Variants in PCDHGA2 observed in about 807,000 individuals in gnomAD.
The protein encoded by PCDHGA2 is protocadherin gamma-A2.
A neutral mutation model predicts 59.2 loss-of-function variants in PCDHGA2; 40 were observed. The observed-to-expected ratio is 0.68, with a 90% CI of 0.52 to 0.88. The LOEUF (loss-of-function observed/expected upper bound fraction) is 0.88. Ranked by LOEUF, PCDHGA2 falls within the 40% of genes least tolerant of loss-of-function variation. The pLI is 0.00. For synonymous variants in PCDHGA2, 560 were observed against 526.0 expected (o/e 1.06, Z -0.89); for missense variants, 1,226 against 1,204.0 (o/e 1.02, Z -0.27).
chr5:141,504,907 A>G (rs2099841813), intron 2 of PCDHGA2, among the ~76,000 whole-genome samples: 1 of 152,100 alleles, frequency 6.6e-6, no homozygotes, highest in African/African-American at 2.4e-5. Context: ...TCACTATGAC[A>G]GGAAGCCAGG....
At position 141,487,760 on chromosome 5, in the gene PCDHGA2, G is replaced by T; in HGVS notation, c.2425-7047G>T. On this transcript the variant is annotated intron_variant, in intron 1 of 3. Transcript: ENST00000394576. The surrounding 1 kb of genome is among the most constrained non-coding windows in gnomAD (Gnocchi z 5.0). Reference sequence around the variant, plus strand: ...TGTAAGAGGTAACTATGTGGTAGACGCTGTGCTTTGTAACTGTTTCGTGAA... The same window carrying T: ...TGTAAGAGGTAACTATGTGGTAGACTCTGTGCTTTGTAACTGTTTCGTGAA... 1 of 1,545,950 alleles carries T rather than the reference G, an allele frequency of 6.5e-7. No individual in the cohort carries two copies. The highest frequency in any genetic ancestry group is 1.4e-5 in the African/African-American group (1 of 73,162).
chr5:141,431,536 G>T lies in PCDHGA2; in HGVS notation c.2425-63271G>T. Reference sequence around the variant, plus strand: ...TTCCGGAGAATCTGGCCTTGGGCACGCAGCTGCTTGTAGTCAACGCTACCG... The same window carrying T: ...TTCCGGAGAATCTGGCCTTGGGCACTCAGCTGCTTGTAGTCAACGCTACCG... On this transcript the variant is annotated intron_variant, in intron 1 of 3. Coordinates refer to ENST00000394576, the MANE Select transcript of PCDHGA2 (RefSeq NM_018915.4). The surrounding 1 kb of genome is among the most constrained non-coding windows in gnomAD (Gnocchi z 4.8). 6.2e-7 allele frequency: 1 copy of T among 1,614,068 alleles called. No homozygotes were observed. Among genetic ancestry groups the T allele is most frequent in the Non-Finnish European group, 8.5e-7 (1 of 1,180,022 alleles).
chr5:141,477,607 G>A lies in PCDHGA2; in HGVS notation c.2425-17200G>A, dbSNP rs1223703956. ...ATGCTCGGCTTTCTTTCTTTCTCTT[G>A]GAGCAAGGAGCTGAAACCGGGCTAG... is the stretch of plus-strand genomic sequence containing the variant. On this transcript the variant is annotated intron_variant, in intron 1 of 3. Coordinates refer to ENST00000394576, the MANE Select transcript of PCDHGA2 (RefSeq NM_018915.4). The surrounding 1 kb of genome is among the most constrained non-coding windows in gnomAD (Gnocchi z 4.9). 2 of 1,614,028 alleles carry A rather than the reference G, an allele frequency of 1.2e-6. No individual in the cohort carries two copies. The highest frequency in any genetic ancestry group is 3.3e-5 in the Admixed American group (2 of 60,000).
At chr5:141,447,520 T>C (rs1156521785) in intron 1 of PCDHGA2, among the ~76,000 whole-genome samples, 1 of 152,202 alleles carries the variant, frequency 6.6e-6, no homozygotes, top group Non-Finnish European at 1.5e-5. Context: ...ATAACAATCA[T>C]AACAAAATTG....
chr5:141,429,390 A>T (rs556289214), intron 1 of PCDHGA2, among the ~76,000 whole-genome samples: 3,394 of 150,296 alleles, frequency 0.023, 54 homozygotes, highest in South Asian at 0.043. Context: ...TTTTTTTTAA[A>T]AAAAATTGAG....
At position 141,486,783 on chromosome 5, in the gene PCDHGA2, C is replaced by A. The variant is rs905423670; in HGVS notation, c.2425-8024C>A. ...CAGACACTGCAGTTTGAGGTGCAGG[C>A]CCGGGATCGGGGCAACCCACCCCTT... On this transcript the variant is annotated intron_variant, in intron 1 of 3. Transcript: ENST00000394576. The surrounding 1 kb of genome is among the most constrained non-coding windows in gnomAD (Gnocchi z 5.0). 6.2e-7 allele frequency: 1 copy of A among 1,614,102 alleles called. No homozygotes were observed.
At chr5:141,358,241 T>C (rs868124614) in intron 1 of PCDHGA2, among the ~76,000 whole-genome samples, 7 of 152,318 alleles carry the variant, frequency 4.6e-5, no homozygotes, top group South Asian at 2.1e-4. Context: ...CCTTTTCTCT[T>C]AGGTGTTCCT....
intron 1 of PCDHGA2, among the ~76,000 whole-genome samples, chr5:141,453,490 G>A (rs921556476): frequency 6.6e-6 from 1 of 151,922 alleles, no homozygotes; most frequent in Admixed American, 6.6e-5. Flanking sequence ...TTAAAAAAAG[G>A]TGTACTCAGA....
intron 1 of PCDHGA2, among the ~76,000 whole-genome samples, chr5:141,464,723 T>A (rs1166321691): frequency 6.6e-6 from 1 of 152,156 alleles, no homozygotes; most frequent in Non-Finnish European, 1.5e-5. Flanking sequence ...TTTCATATGT[T>A]TAAAAGCCAG....
At position 141,339,931 on chromosome 5, in the gene PCDHGA2, A is replaced by G. The variant is rs1043132725; in HGVS notation, c.960A>G (p.Glu320=). 2.5e-6 allele frequency: 4 copies of G among 1,614,142 alleles called. No individual in the cohort carries two copies. In the African/African-American group the frequency reaches 4.0e-5, roughly 16 times the overall value. The stretch of plus-strand genomic sequence containing the variant: ...CTACATTCCATGAAATTGATATTGA[A>G]GCTCAGGATGGTCCGGGCCTTCTAA... ...EDATFHEIDI[E]AQDGPGLLTR... The change falls in exon 1 of 4, where the codon GAA becomes GAG. Residue 320 remains glutamate, a synonymous_variant. Coordinates refer to ENST00000394576, the MANE Select transcript of PCDHGA2 (RefSeq NM_018915.4).
chr5:141,404,029 C>T (rs1363448), intron 1 of PCDHGA2: 736,203 of 1,612,620 alleles, frequency 0.46, 175,243 homozygotes, highest in African/African-American at 0.8. Flanking sequence ...TGAGAGAAGA[C>T]GCACCTCAGG....
At chr5:141,365,300 G>A in intron 1 of PCDHGA2, 1 of 1,614,010 alleles carries the variant, frequency 6.2e-7, no homozygotes, top group South Asian at 1.1e-5. Flanking sequence ...AGCTCAGGAT[G>A]GAGGCGCTCT....
intron 1 of PCDHGA2, chr5:141,357,378 C>G: frequency 1.2e-6 from 2 of 1,614,214 alleles, no homozygotes; most frequent in South Asian, 2.2e-5. Flanking sequence ...GCCTGCTTCA[C>G]GCTGAAGGCA....
At chr5:141,392,901 C>G in intron 1 of PCDHGA2, 1 of 1,613,832 alleles carries the variant, frequency 6.2e-7, no homozygotes, top group Non-Finnish European at 8.5e-7. Context: ...CGGGAGGGGA[C>G]AGATTCGCTA....
At chr5:141,404,600 CTG>C (rs2094545529) in intron 1 of PCDHGA2, 2 of 1,613,938 alleles carry the variant, frequency 1.2e-6, no homozygotes, top group Non-Finnish European at 1.7e-6. Context: ...GTCATTGAGA[CTG>C]TTTGTTTTGG....
At chr5:141,399,376 AC>A (rs1398817003) in intron 1 of PCDHGA2, 1 of 1,613,956 alleles carries the variant, frequency 6.2e-7, no homozygotes, top group Non-Finnish European at 8.5e-7. Flanking sequence ...GTACAATGTC[AC>A]CATCACAGCC....
chr5:141,383,521 C>T (rs1434665459), intron 1 of PCDHGA2: 5 of 1,612,260 alleles, frequency 3.1e-6, no homozygotes, highest in Non-Finnish European at 4.2e-6. Flanking sequence ...AGAGCGGGTT[C>T]ACCACCTGGT....
chr5:141,429,239 T>C (rs1344971786), intron 1 of PCDHGA2: 1 of 151,802 alleles, frequency 6.6e-6, no homozygotes, highest in East Asian at 1.9e-4. Context: ...ACTGCTGTCA[T>C]TGAGATATTT....
intron 1 of PCDHGA2, chr5:141,385,324 G>A (rs1781124607): frequency 1.2e-6 from 2 of 1,607,160 alleles, no homozygotes; most frequent in Non-Finnish European, 1.7e-6. Flanking sequence ...AAGTATTCAG[G>A]TGAGCCCAGC....
Sources: gnomAD v4.1 joint callset for allele counts (sites outside exome capture counted in the v4.1 genomes callset) on GRCh38, gnomAD v4.1.1 for gene constraint, Gnocchi (gnomAD v3.1) non-coding constraint, MANE v1.5 for transcripts, NCBI Gene and HGNC (gene_info 2026-07-23, HGNC 2026-07-21) for gene names.